The following ATP2C1 variants were observed in gnomAD, a reference collection of about 807,000 sequenced individuals.
ATP2C1 encodes the protein ATPase secretory pathway Ca2+ transporting 1, also known as calcium-transporting ATPase type 2C member 1.
Under a neutral mutation model 120.5 loss-of-function variants are expected in ATP2C1, and 31 were observed. The ratio of observed to expected loss-of-function variants is 0.26; its 90% CI spans 0.19 to 0.35. ATP2C1 has a LOEUF of 0.35. Ranked by LOEUF, ATP2C1 falls within the 10% of genes least tolerant of loss-of-function variation. The probability of loss-of-function intolerance (pLI) is 1.00; values close to 1 mark genes in which losing one functional copy is unlikely to be tolerated. For missense variants in ATP2C1, 731 were observed against 1,107.5 expected, an observed-to-expected ratio of 0.66 and a Z score of 4.83; for synonymous variants, 351 against 358.7, an observed-to-expected ratio of 0.98 and a Z score of 0.24.
In ATP2C1 at chr3:130,954,898, T is replaced by C. The variant is rs139807109; in HGVS notation, c.688-114T>C. ...GCTGAGGAAATCTTAGGAGTGTGTA[T>C]GTTAGACATCTTCACTGTAGGTAAG... is the stretch of plus-strand genomic sequence containing the variant. On this transcript the variant is annotated intron_variant, in intron 9 of 27. Transcript: ENST00000510168. 6.8e-4 allele frequency: 517 copies of C among 758,022 alleles called. 2 individuals carry two copies. The African/African-American group carries it at 8.2e-3, about 12-fold the overall frequency. 47.0% of individuals were successfully genotyped at this position (758,022 alleles called of 1,614,324 possible).
intron 2 of ATP2C1, chr3:130,918,353 A>T: frequency 2.6e-6 from 4 of 1,548,278 alleles, no homozygotes; most frequent in Non-Finnish European, 3.6e-6. Context: ...GACTCTTCCC[A>T]CACTTTGCAC....
At chr3:130,884,772 T>A (rs62280759) in intron 1 of ATP2C1, among the ~76,000 whole-genome samples, 15,236 of 152,182 alleles carry the variant, frequency 0.1, 871 homozygotes, top group Non-Finnish European at 0.13. Context: ...TGTCTCTTCT[T>A]ATAGTTTTTG....
chr3:130,970,406 A>ACACACACACACC (rs765779646), intron 17 of ATP2C1, among the ~76,000 whole-genome samples: 198 of 147,972 alleles, frequency 1.3e-3, no homozygotes, highest in African/African-American at 4.9e-3. Context: ...ACACACACAC[A>ACACACACACACC]CCCTTAAACT....
At chr3:130,898,624 G>A (rs575834933) in intron 2 of ATP2C1, among the ~76,000 whole-genome samples, 22 of 152,256 alleles carry the variant, frequency 1.4e-4, no homozygotes, top group African/African-American at 5.1e-4. Context: ...ATGCTGTAGA[G>A]AGTACTTGTA....
intron 8 of ATP2C1, among the ~76,000 whole-genome samples, chr3:130,944,979 T>C (rs2060079967): frequency 6.6e-6 from 1 of 152,244 alleles, no homozygotes; most frequent in African/African-American, 2.4e-5. Flanking sequence ...ACAGTTGTTA[T>C]ACTATATTTT....
chr3:130,930,037 C>T (rs916832534), intron 2 of ATP2C1: 12 of 343,990 alleles, frequency 3.5e-5, no homozygotes, highest in Non-Finnish European at 4.5e-5. Context: ...GAAAGCTTAG[C>T]TGTACTTTGT....
chr3:130,907,948 C>A (rs1353019465), intron 2 of ATP2C1, among the ~76,000 whole-genome samples: 2 of 151,954 alleles, frequency 1.3e-5, no homozygotes, highest in Non-Finnish European at 2.9e-5. Context: ...TTCTAGGTAA[C>A]AAGCATTTCA....
chr3:131,005,852 C>T (rs750580641), downstream of ATP2C1, among the ~76,000 whole-genome samples: 13 of 152,142 alleles, frequency 8.5e-5, no homozygotes, highest in Non-Finnish European at 1.8e-4. Context: ...AATAGGGAAT[C>T]TGTTATTAAG....
At chr3:130,886,071 G>T (rs748263008) in intron 1 of ATP2C1, among the ~76,000 whole-genome samples, 2 of 152,082 alleles carry the variant, frequency 1.3e-5, no homozygotes, top group Non-Finnish European at 2.9e-5. Flanking sequence ...GAAGGTCTTT[G>T]TTCTTCATGC....
chr3:130,901,489 A>C (rs1300663364), intron 2 of ATP2C1, among the ~76,000 whole-genome samples: 1 of 151,992 alleles, frequency 6.6e-6, no homozygotes, highest in Non-Finnish European at 1.5e-5. Context: ...GAGATATTTT[A>C]CTCCTAGGAA....
At chr3:130,893,413 A>C (rs2069264315), upstream of ATP2C1, among the ~76,000 whole-genome samples, 1 of 152,158 alleles carries the variant, frequency 6.6e-6, no homozygotes, top group Admixed American at 6.5e-5. Context: ...ATGGTAACTA[A>C]GCACACCCCT....
chr3:131,008,997 ATCTC>A (rs1186398159), intron 26 of ATP2C1, among the ~76,000 whole-genome samples: 4 of 152,072 alleles, frequency 2.6e-5, no homozygotes, highest in Non-Finnish European at 5.9e-5. Context: ...TGTGCTTCCC[ATCTC>A]TCTCTCTTTG....
At chr3:130,987,872 A>G (rs776871248) in intron 20 of ATP2C1, among the ~76,000 whole-genome samples, 1 of 152,226 alleles carries the variant, frequency 6.6e-6, no homozygotes, top group Non-Finnish European at 1.5e-5. Flanking sequence ...GCCAGTTAAA[A>G]AGTAGTACTG....
At chr3:130,895,271 C>G (rs919686831) in intron 2 of ATP2C1, among the ~76,000 whole-genome samples, 2 of 152,028 alleles carry the variant, frequency 1.3e-5, no homozygotes, top group Non-Finnish European at 2.9e-5. Flanking sequence ...ACAAAAAAAA[C>G]CCAGTGAATT....
rs140685535 is a variant in ATP2C1 at position 130,991,364 on chromosome 3, G to A, written c.1840-1587G>A. On this transcript the variant is annotated intron_variant, in intron 20 of 27. Coordinates refer to ENST00000510168, the MANE Select transcript of ATP2C1 (RefSeq NM_001378687.1). Reference sequence around the variant, plus strand: ...TGCAGGTCTTTGAAAGTCATGAATCGTGTTTCACTGCAGTTGTGGTAACAG... The same window carrying A: ...TGCAGGTCTTTGAAAGTCATGAATCATGTTTCACTGCAGTTGTGGTAACAG... 7.1e-3 allele frequency among the ~76,000 whole-genome samples: 1,074 copies of A among 152,204 alleles called. 17 individuals are homozygous for A. The highest frequency in any genetic ancestry group is 0.024 in the African/African-American group (979 of 41,522).
intron 1 of ATP2C1, among the ~76,000 whole-genome samples, chr3:130,858,913 T>A (rs1298608676): frequency 6.6e-6 from 1 of 152,106 alleles, no homozygotes; most frequent in Non-Finnish European, 1.5e-5. Context: ...CCATGACCAA[T>A]GGGTAGAATT....
intron 1 of ATP2C1, among the ~76,000 whole-genome samples, chr3:130,860,437 AG>A (rs765163575): frequency 3.3e-5 from 5 of 152,368 alleles, no homozygotes; most frequent in African/African-American, 4.8e-5. Flanking sequence ...GATACAACTT[AG>A]GTTATGCATT....
At chr3:130,997,924 A>G (rs989833162) in intron 25 of ATP2C1, among the ~76,000 whole-genome samples, 171 bp downstream of exon 25, 1 of 152,204 alleles carries the variant, frequency 6.6e-6, no homozygotes, top group Non-Finnish European at 1.5e-5. Flanking sequence ...GATAAATAAA[A>G]TTATTGATTC....
intron 20 of ATP2C1, among the ~76,000 whole-genome samples, chr3:130,982,025 G>A (rs2061788109): frequency 6.6e-6 from 1 of 152,078 alleles, no homozygotes; most frequent in Non-Finnish European, 1.5e-5. Flanking sequence ...TTTTAATTTT[G>A]ATTAGGTCTA....
Sources: gnomAD v4.1 joint callset for allele counts (sites outside exome capture counted in the v4.1 genomes callset) on GRCh38, gnomAD v4.1.1 for gene constraint, MANE v1.5 for transcripts, NCBI Gene and HGNC (gene_info 2026-07-23, HGNC 2026-07-21) for gene names.